The following CA1 variants were observed in gnomAD, a reference collection of about 807,000 sequenced individuals.
CA1 encodes the protein carbonate dehydratase I.
CA1 carries 27 observed loss-of-function variants against 28.8 expected under a neutral mutation model. The observed-to-expected ratio is 0.94, with a 90% CI of 0.69 to 1.29. CA1 has a LOEUF of 1.29. Among genes scored for constraint, CA1 ranks in the 50% most tolerant of loss-of-function variants. CA1 has a pLI of 0.00. For missense variants in CA1, 335 were observed against 310.5 expected (o/e 1.08, Z -0.59); for synonymous variants, 121 against 108.8 (o/e 1.11, Z -0.70).
At chr8:85,361,871 A>G (rs1223152825) in intron 1 of CA1, among the ~76,000 whole-genome samples, 3 of 152,136 alleles carry the variant, frequency 2.0e-5, no homozygotes, top group Non-Finnish European at 4.4e-5. Context: ...TGATCATGCA[A>G]GTTACCTTCT....
chr8:85,330,122 C>A (rs1456799252), intron 6 of CA1, among the ~76,000 whole-genome samples: 4 of 151,998 alleles, frequency 2.6e-5, no homozygotes, highest in East Asian at 1.9e-4. Context: ...ATTCAAAAAT[C>A]TTTTTTACAA....
In CA1 at chr8:85,338,565, A is replaced by C. The variant is rs548429597; in HGVS notation, c.38-116T>G. 3.4e-5 allele frequency: 27 copies of C among 800,472 alleles called. 2 individuals are homozygous for C. In the South Asian group the frequency reaches 3.6e-4, roughly 11 times the overall value. 49.6% of individuals were successfully genotyped at this position (800,472 alleles called of 1,614,324 possible). ...AGGGTTTATTTCAGTGTATTAAATGATATTCTCTTAAGATTAATAGAAATT... is the reference window on the plus strand; with the variant it reads ...AGGGTTTATTTCAGTGTATTAAATGCTATTCTCTTAAGATTAATAGAAATT... On this transcript the variant is annotated intron_variant, in intron 2 of 7. Transcript: ENST00000523022.
At chr8:85,360,544 T>G (rs1809752671) in intron 1 of CA1, among the ~76,000 whole-genome samples, 1 of 151,952 alleles carries the variant, frequency 6.6e-6, no homozygotes, top group South Asian at 2.1e-4. Context: ...AACACAAAAA[T>G]TAGCCAGGCG....
intron 1 of CA1, among the ~76,000 whole-genome samples, chr8:85,368,329 G>A (rs968651987): frequency 1.3e-5 from 2 of 151,558 alleles, no homozygotes; most frequent in Admixed American, 1.3e-4. Flanking sequence ...CACCATGCCC[G>A]GGTAATTTTT....
intron 1 of CA1, among the ~76,000 whole-genome samples, chr8:85,363,091 C>G (rs1239922840): frequency 6.6e-6 from 1 of 152,162 alleles, no homozygotes; most frequent in Non-Finnish European, 1.5e-5. Context: ...GTGTCATGCC[C>G]ATTCACTTAT....
chr8:85,361,558 T>G (rs565429215), intron 1 of CA1, among the ~76,000 whole-genome samples: 34 of 152,020 alleles, frequency 2.2e-4, no homozygotes, highest in Non-Finnish European at 4.4e-4. Flanking sequence ...CCACCTGTAA[T>G]CCCACCTACT....
At chr8:85,336,244 G>A (rs184274772) in intron 4 of CA1, among the ~76,000 whole-genome samples, 62 of 152,246 alleles carry the variant, frequency 4.1e-4, no homozygotes, top group Admixed American at 1.3e-3. Flanking sequence ...GAATTCATTT[G>A]ATGAAAGTAA....
chr8:85,347,622 T>C (rs1809251718), intron 1 of CA1, among the ~76,000 whole-genome samples: 1 of 152,130 alleles, frequency 6.6e-6, no homozygotes, highest in South Asian at 2.1e-4. Flanking sequence ...CTCTTTTGGG[T>C]CAGGCAGCTG....
chr8:85,360,757 A>C (rs1255388042), intron 1 of CA1, among the ~76,000 whole-genome samples: 2 of 152,206 alleles, frequency 1.3e-5, no homozygotes, highest in Non-Finnish European at 2.9e-5. Flanking sequence ...ATCTCCGGTA[A>C]CTGTAAATGG....
intron 4 of CA1, 97 bp downstream of exon 4, chr8:85,336,848 T>C (rs974794814): frequency 1.6e-5 from 13 of 798,568 alleles, no homozygotes; most frequent in Non-Finnish European, 2.7e-5. Context: ...TACCCATTCC[T>C]TTGGAGTCAT....
intron 1 of CA1, among the ~76,000 whole-genome samples, chr8:85,356,418 A>T (rs1264412533): frequency 1.3e-5 from 2 of 152,158 alleles, no homozygotes; most frequent in Non-Finnish European, 1.5e-5. Context: ...TTATTATTAT[A>T]TAGGAGATCA....
At chr8:85,342,106 C>G (rs564937011) in intron 1 of CA1, among the ~76,000 whole-genome samples, 1 of 152,062 alleles carries the variant, frequency 6.6e-6, no homozygotes, top group Non-Finnish European at 1.5e-5. Context: ...CTGATCTGAA[C>G]TAGTATCTTA....
At chr8:85,344,272 T>C in intron 1 of CA1, among the ~76,000 whole-genome samples, 1 of 73,858 alleles carries the variant, frequency 1.4e-5, no homozygotes, top group Non-Finnish European at 2.8e-5. Context: ...ATATAATATA[T>C]AATTATATAT....
At chr8:85,368,228 C>T (rs767204024) in intron 1 of CA1, among the ~76,000 whole-genome samples, 9 of 151,766 alleles carry the variant, frequency 5.9e-5, no homozygotes, top group Non-Finnish European at 1.3e-4. Context: ...AGTGCAGTGG[C>T]GCAATCTTGG....
chr8:85,376,557 G>C (rs1375497643), intron 1 of CA1, among the ~76,000 whole-genome samples: 1 of 151,530 alleles, frequency 6.6e-6, no homozygotes, highest in East Asian at 1.9e-4. Flanking sequence ...AGGTACTCCG[G>C]AGACTGAGGC....
intron 1 of CA1, 88 bp from the exon 2 acceptor site, chr8:85,341,747 AACTT>A (rs1808943198): frequency 3.9e-6 from 3 of 766,054 alleles, no homozygotes; most frequent in Non-Finnish European, 7.1e-6. Context: ...TTTTTATAGA[AACTT>A]ACTTGCTTTT....
At chr8:85,347,668 A>G (rs755905565) in intron 1 of CA1, among the ~76,000 whole-genome samples, 5 of 152,112 alleles carry the variant, frequency 3.3e-5, no homozygotes, top group Non-Finnish European at 5.9e-5. Flanking sequence ...TACTCCATCA[A>G]TGACATTTGA....
At chr8:85,354,621 A>G (rs1031278371) in intron 1 of CA1, among the ~76,000 whole-genome samples, 8 of 152,212 alleles carry the variant, frequency 5.3e-5, no homozygotes, top group African/African-American at 1.9e-4. Context: ...TCACTGAGAC[A>G]ACAGAGAAGA....
chr8:85,352,336 C>G (rs915959002), intron 1 of CA1, among the ~76,000 whole-genome samples: 2 of 152,194 alleles, frequency 1.3e-5, no homozygotes, highest in Admixed American at 6.5e-5. Flanking sequence ...CCTCTCTCTA[C>G]TTCCTCAGCA....
Sources: gnomAD v4.1 joint callset for allele counts (sites outside exome capture counted in the v4.1 genomes callset) on GRCh38, gnomAD v4.1.1 for gene constraint, MANE v1.5 for transcripts, NCBI Gene and HGNC (gene_info 2026-07-23, HGNC 2026-07-21) for gene names.